The following SCARF1 variants were observed in gnomAD, a reference collection of about 807,000 sequenced individuals.
The protein encoded by SCARF1 is acetyl LDL receptor.
In SCARF1, 49 loss-of-function variants were observed where a neutral mutation model predicts 76.3. The ratio of observed to expected loss-of-function variants is 0.64; its 90% CI spans 0.51 to 0.81. SCARF1 has a LOEUF of 0.81. SCARF1 is among the 40% of genes least tolerant of loss of function. SCARF1 has a pLI of 0.00. For missense variants in SCARF1, 1,098 were observed against 1,143.9 expected (o/e 0.96, Z 0.58); for synonymous variants, 495 against 474.6 (o/e 1.04, Z -0.56).
intron 4 of SCARF1, among the ~76,000 whole-genome samples, chr17:1,641,434 ATAT>A (rs1910039303): frequency 6.6e-6 from 1 of 152,236 alleles, no homozygotes; most frequent in Non-Finnish European, 1.5e-5. Context: ...ATGGTGAGTC[ATAT>A]TATTATTTCA....
At chr17:1,638,726 A>C (rs1909788526) in intron 8 of SCARF1, 80 bp downstream of exon 8, 2 of 1,369,244 alleles carry the variant, frequency 1.5e-6, no homozygotes, top group African/African-American at 1.5e-5. Context: ...AGCCCTCCCC[A>C]CCCCACAAGG....
In SCARF1 at chr17:1,638,842, C is replaced by G. The variant is rs1351613266; in HGVS notation, c.1328G>C (p.Cys443Ser). ...GTCTGATCGGGGGGCCCAGCAGCAGCAGGCACAGCAGGCAAGGCCCAGGAA... is the reference window on the plus strand; with the variant it reads ...GTCTGATCGGGGGGCCCAGCAGCAGGAGGCACAGCAGGCAAGGCCCAGGAA... Reference protein sequence around the residue: ...LLFLGLACCACCCWAPRSDLK... With the variant: ...LLFLGLACCASCCWAPRSDLK... Residue 443 changes from cysteine (C) to serine (S), a missense_variant, in exon 8 of 11, where the codon TGC (cysteine) becomes TCC (serine). Cys to Ser is a moderately radical substitution (Grantham distance 112). Transcript: ENST00000263071. The G allele has an allele frequency of 6.2e-7, 1 of 1,610,534 alleles. No homozygotes were observed. The highest frequency in any genetic ancestry group is 8.5e-7 in the Non-Finnish European group (1 of 1,178,158).
chr17:1,643,892 G>C lies in SCARF1; in HGVS notation c.341C>G (p.Ala114Gly). The stretch of plus-strand genomic sequence containing the variant: ...GGCCTGGCACTGGCACGCGCCCGTG[G>C]CTGGCTCGCACTGGCCGTGCGGGTG... ...PCHPHGQCEP[A>G]TGACQCQADR... Residue 114 changes from alanine (A) to glycine (G), a missense_variant, in exon 4 of 11, where the codon GCC becomes GGC. By Grantham distance (60) the Ala-to-Gly change is moderately conservative. Coordinates refer to ENST00000263071, the MANE Select transcript of SCARF1 (RefSeq NM_003693.4). The C allele has an allele frequency of 7.6e-7, 1 of 1,320,880 alleles. No homozygotes were observed. The highest frequency in any genetic ancestry group is 9.6e-7 in the Non-Finnish European group (1 of 1,039,022). The allele number at this position is 1,320,880 out of a possible 1,614,324, so 81.8% of individuals were successfully genotyped here. A position where few individuals can be genotyped will look rare whatever the true frequency, so the allele number is the denominator to read the frequency against.
At position 1,634,605 on chromosome 17, in the gene SCARF1, T is replaced by C; in HGVS notation, c.*153A>G. On this transcript the variant is annotated 3_prime_UTR_variant, in exon 11 of 11. Coordinates refer to ENST00000263071, the MANE Select transcript of SCARF1 (RefSeq NM_003693.4). ...CCTTCCTGGGCCCCTCCGGGAGCAC[T>C]GCCAGGGGCCTGGGCCAACTGGCCT... 2 of 1,086,518 alleles carry C rather than the reference T, an allele frequency of 1.8e-6. No homozygotes were observed. The highest frequency in any genetic ancestry group is 2.6e-6 in the Non-Finnish European group (2 of 777,184). 67.3% of individuals were successfully genotyped at this position (1,086,518 alleles called of 1,614,324 possible). A position where few individuals can be genotyped will look rare whatever the true frequency, so the allele number is the denominator to read the frequency against.
Position 1,639,915 on chromosome 17 carries a change from G to T in SCARF1, c.1136C>A (p.Pro379His). The change falls in exon 6 of 11, where the codon CCC (proline) becomes CAC (histidine). Residue 379 changes from proline to histidine, a missense_variant. Pro to His is a moderately conservative substitution (Grantham distance 77). Transcript: ENST00000263071. ...DCVCSAGYWG[P>H]SCNASCPAGF... ...CCCCCGGGATCCCCATCCTTACCTG[G>T]GCCCCCAGTAGCCGGCACTGCAGAC... 1 of 1,613,380 alleles carries T rather than the reference G, an allele frequency of 6.2e-7. No homozygotes were observed. Among genetic ancestry groups the T allele is most frequent in the African/African-American group, 1.3e-5 (1 of 75,042 alleles).
chr17:1,640,690 G>C lies in SCARF1; in HGVS notation c.792-24C>G. 5.0e-6 allele frequency: 8 copies of C among 1,599,004 alleles called. No individual in the cohort carries two copies. The highest frequency in any genetic ancestry group is 6.8e-6 in the Non-Finnish European group (8 of 1,171,056). On this transcript the variant is annotated intron_variant, in intron 4 of 10. Transcript: ENST00000263071. This position sits in a 1 kb window ranked among gnomAD's most constrained non-coding sequence, Gnocchi z 4.7. ...AGCTGGGAAGAGAAGGGCTTCGTGG[G>C]AACAGTGGGGGTGGATGGATGGAGC...
rs772880874 is a variant in SCARF1, at chr17:1,635,323, G to A, written c.1928C>T (p.Ala643Val). The A allele has an allele frequency of 5.6e-6, 9 of 1,612,502 alleles. No homozygotes were observed. The highest frequency in any genetic ancestry group is 2.7e-5 in the African/African-American group (2 of 74,930). ...GGCAGCCGCCGGAAAGGACTCGGGG[G>A]CTTCTGCTTCCTCTGGGCCTGTGGA... ...EESTGPEEAE[A>V]PESFPAAASP... Residue 643 changes from alanine to valine, a missense_variant, in exon 11 of 11, where the codon GCC becomes GTC. Ala to Val is a moderately conservative substitution (Grantham distance 64). Transcript: ENST00000263071.
Position 1,643,660 on chromosome 17 carries a change from G to A in SCARF1, c.573C>T (p.Ser191=). 2 of 1,468,172 alleles carry A rather than the reference G, an allele frequency of 1.4e-6. No homozygotes were observed. Among genetic ancestry groups the A allele is most frequent in the Non-Finnish European group, 1.8e-6 (2 of 1,117,216 alleles). The allele number at this position is 1,468,172 out of a possible 1,614,324, so 90.9% of individuals were successfully genotyped here. A position where few individuals can be genotyped will look rare whatever the true frequency, so the allele number is the denominator to read the frequency against. Residue 191 remains serine, a synonymous_variant, in exon 4 of 11, where the codon AGC becomes AGT. Transcript: ENST00000263071. The stretch of plus-strand genomic sequence containing the variant: ...GGGAGCCGTGGCAGTTGCAGCGGAA[G>A]CTGCAGCGGCGCCCCCACCAGCCCG... ...CKPGWWGRRC[S]FRCNCHGSPC...
Position 1,640,096 on chromosome 17 carries a change from G to C in SCARF1, c.1011-56C>G, listed in dbSNP as rs141503419. The C allele has an allele frequency of 2.1e-4, 340 of 1,591,020 alleles. 2 individuals carry two copies. In the African/African-American group the frequency reaches 3.8e-3, roughly 18 times the overall value. Reference sequence around the variant, plus strand: ...GACCAAGGCAGGCCTGGCCCCCACTGTGGGGCCCCACCCCTCCGCCCCACG... The same window carrying C: ...GACCAAGGCAGGCCTGGCCCCCACTCTGGGGCCCCACCCCTCCGCCCCACG... On this transcript the variant is annotated intron_variant, in intron 5 of 10. Transcript: ENST00000263071. This position sits in a 1 kb window ranked among gnomAD's most constrained non-coding sequence, Gnocchi z 4.7.
In SCARF1 at chr17:1,640,356, G is replaced by A. The variant is rs1053831206; in HGVS notation, c.1010+92C>T. 2.3e-5 allele frequency: 28 copies of A among 1,196,176 alleles called. No homozygotes were observed. The highest frequency in any genetic ancestry group is 3.2e-5 in the Non-Finnish European group (27 of 846,214). 74.1% of individuals were successfully genotyped at this position (1,196,176 alleles called of 1,614,324 possible). On this transcript the variant is annotated intron_variant, in intron 5 of 10. Transcript: ENST00000263071. This position sits in a 1 kb window ranked among gnomAD's most constrained non-coding sequence, Gnocchi z 4.7. ...GGCCCCTGGGGCCGCATGAACCTGT[G>A]TGTCGGGGAGGGTGGTGCTCTCGGA...
chr17:1,636,772 A>C lies in SCARF1; in HGVS notation c.1570T>G (p.Ser524Ala), dbSNP rs1256720113. ...SAGWATDDSF[S>A]SDPESGEADE... ...GCCTCTCCAGACTCAGGATCGGATGAGAAGGAGTCATCAGTGGCCCAGCCG... is the reference window on the plus strand; with the variant it reads ...GCCTCTCCAGACTCAGGATCGGATGCGAAGGAGTCATCAGTGGCCCAGCCG... Residue 524 changes from serine (S) to alanine (A), a missense_variant, in exon 10 of 11, where the codon TCA becomes GCA. By Grantham distance (99) the Ser-to-Ala change is moderately conservative. Coordinates refer to ENST00000263071, the MANE Select transcript of SCARF1 (RefSeq NM_003693.4). 6.2e-6 allele frequency: 10 copies of C among 1,614,060 alleles called. No individual in the cohort carries two copies. The South Asian group carries it at 9.9e-5, about 16-fold the overall frequency.
rs1417825350 is a variant in SCARF1 at position 1,634,017 on chromosome 17, T to A, written c.*741A>T. On this transcript the variant is annotated 3_prime_UTR_variant, in exon 11 of 11. Coordinates refer to ENST00000263071, the MANE Select transcript of SCARF1 (RefSeq NM_003693.4). The stretch of plus-strand genomic sequence containing the variant: ...GTTTCAGAAGAAAATAAATATCACC[T>A]ACAATCTCATCTTCCAGAGGAAAAA... 6.6e-6 allele frequency: 1 copy of A among 152,210 alleles called. No homozygotes were observed. Among genetic ancestry groups the A allele is most frequent in the East Asian group, 1.9e-4 (1 of 5,200 alleles). The allele number at this position is 152,210 out of a possible 1,614,324, so 9.4% of individuals were successfully genotyped here.
chr17:1,639,373 C>T (rs1188341470), intron 7 of SCARF1, among the ~76,000 whole-genome samples: 3 of 152,122 alleles, frequency 2.0e-5, no homozygotes, highest in South Asian at 2.1e-4. Flanking sequence ...GGCATGGAGG[C>T]GTGCGCCTGT....
chr17:1,643,374 C>T, intron 4 of SCARF1, 68 bp downstream of exon 4: 1 of 676,158 alleles, frequency 1.5e-6, no homozygotes, highest in Non-Finnish European at 1.9e-6. Context: ...GTCTCCGCCC[C>T]GCCCCGCCTG....
chr17:1,639,136 G>A (rs1022849267), intron 7 of SCARF1, among the ~76,000 whole-genome samples: 1 of 152,190 alleles, frequency 6.6e-6, no homozygotes, highest in African/African-American at 2.4e-5. Context: ...CACGGCTCTA[G>A]CCTGGTTTCG....
chr17:1,640,748 G>A lies in SCARF1; in HGVS notation c.792-82C>T, dbSNP rs1016638810. On this transcript the variant is annotated intron_variant, in intron 4 of 10. Coordinates refer to ENST00000263071, the MANE Select transcript of SCARF1 (RefSeq NM_003693.4). The surrounding 1 kb of genome is among the most constrained non-coding windows in gnomAD (Gnocchi z 4.7). ...CCCTCCTACCCCTGTACTCCACGCA[G>A]GCCTTCGGGGGCCCTGGAGAGTGTT... 34 of 1,302,036 alleles carry A rather than the reference G, an allele frequency of 2.6e-5. No individual in the cohort carries two copies. In the Admixed American group the frequency reaches 3.0e-4, roughly 11 times the overall value. The allele number at this position is 1,302,036 out of a possible 1,614,324, so 80.7% of individuals were successfully genotyped here.
Position 1,643,902 on chromosome 17 carries a change from A to G in SCARF1, c.331T>C (p.Cys111Arg). 1 of 1,333,478 alleles carries G rather than the reference A, an allele frequency of 7.5e-7. No homozygotes were observed. The highest frequency in any genetic ancestry group is 9.6e-7 in the Non-Finnish European group (1 of 1,045,626). The allele number at this position is 1,333,478 out of a possible 1,614,324, so 82.6% of individuals were successfully genotyped here. A position where few individuals can be genotyped will look rare whatever the true frequency, so the allele number is the denominator to read the frequency against. Reference sequence around the variant, plus strand: ...TGGCACGCGCCCGTGGCTGGCTCGCACTGGCCGTGCGGGTGGCAGGGGCAG... The same window carrying G: ...TGGCACGCGCCCGTGGCTGGCTCGCGCTGGCCGTGCGGGTGGCAGGGGCAG... ...ESCPCHPHGQ[C>R]EPATGACQCQ... The change falls in exon 4 of 11, where the codon TGC becomes CGC. Residue 111 changes from cysteine to arginine, a missense_variant. Physicochemically the swap from Cys to Arg is radical, Grantham distance 180 (BLOSUM62 -3). Coordinates refer to ENST00000263071, the MANE Select transcript of SCARF1 (RefSeq NM_003693.4).
chr17:1,636,021 C>T (rs1169140463), intron 10 of SCARF1, among the ~76,000 whole-genome samples: 1 of 152,114 alleles, frequency 6.6e-6, no homozygotes, highest in Non-Finnish European at 1.5e-5. Flanking sequence ...TCCCTCTCAC[C>T]TCTGGGCCTT....
chr17:1,636,580 T>C (rs1440949313), intron 10 of SCARF1, 129 bp downstream of exon 10: 2 of 1,128,906 alleles, frequency 1.8e-6, no homozygotes, highest in Non-Finnish European at 2.5e-6. Flanking sequence ...ACCACTGCAC[T>C]CCAGCCTGGC....
Sources: gnomAD v4.1 joint callset for allele counts (sites outside exome capture counted in the v4.1 genomes callset) on GRCh38, gnomAD v4.1.1 for gene constraint, Gnocchi (gnomAD v3.1) non-coding constraint, MANE v1.5 for transcripts, NCBI Gene and HGNC (gene_info 2026-07-23, HGNC 2026-07-21) for gene names.